Variants in ITSN1 observed in about 807,000 individuals in gnomAD.
ITSN1 encodes the protein intersectin 1, also known as intersectin-1.
ITSN1 carries 58 observed loss-of-function variants against 239.8 expected under a neutral mutation model. The observed-to-expected ratio is 0.24, with a 90% CI of 0.20 to 0.30. The LOEUF is 0.30. ITSN1 is among the 10% of genes least tolerant of loss of function. The pLI is 1.00. For synonymous variants in ITSN1, 780 were observed against 770.8 expected (o/e 1.01, Z -0.20); for missense variants, 1,558 against 2,103.3 (o/e 0.74, Z 5.07).
At chr21:33,799,756 G>A in intron 18 of ITSN1, 52 bp from the exon 19 acceptor site, 2 of 1,597,116 alleles carry the variant, frequency 1.3e-6, no homozygotes, top group East Asian at 4.5e-5. Context: ...TCATACATTT[G>A]TGTTCTCTGT....
intron 1 of ITSN1, among the ~76,000 whole-genome samples, chr21:33,647,483 A>G (rs1300523050): frequency 6.6e-6 from 1 of 151,630 alleles, no homozygotes; most frequent in Non-Finnish European, 1.5e-5. Context: ...TTATGGATCT[A>G]TGGTAGTTTT....
intron 14 of ITSN1, among the ~76,000 whole-genome samples, chr21:33,777,177 AT>A (rs1402998957): frequency 6.6e-6 from 1 of 152,186 alleles, no homozygotes. Context: ...TGAGGTTTAT[AT>A]TTTTACATAC....
chr21:33,830,832 G>A (rs1268074523), intron 27 of ITSN1, among the ~76,000 whole-genome samples: 1 of 150,964 alleles, frequency 6.6e-6, no homozygotes, highest in Non-Finnish European at 1.5e-5. Flanking sequence ...AAGTATTTAG[G>A]GGTAGAGTTA....
rs901778313 is a variant in ITSN1 at position 33,882,982 on chromosome 21, C to T, written c.4554+527C>T. Among the ~76,000 whole-genome samples the T allele has an allele frequency of 3.3e-5, 5 of 152,098 alleles. No individual in the cohort carries two copies. The highest frequency in any genetic ancestry group is 6.6e-5 in the Admixed American group (1 of 15,246). On this transcript the variant is annotated intron_variant, in intron 35 of 39. Transcript: ENST00000381318. The surrounding 1 kb of genome is among the most constrained non-coding windows in gnomAD (Gnocchi z 4.5). ...GCTGTGTTTGTGTGTCTTTGTGTCA[C>T]GGGACGTTGTTTTTCTAAATTTGTC...
At chr21:33,651,412 A>G (rs2088522403) in intron 1 of ITSN1, among the ~76,000 whole-genome samples, 1 of 152,156 alleles carries the variant, frequency 6.6e-6, no homozygotes, top group African/African-American at 2.4e-5. Flanking sequence ...TGACGTTTCT[A>G]CCTAGCCTTC....
intron 34 of ITSN1, among the ~76,000 whole-genome samples, chr21:33,880,757 G>GC (rs1175005160): frequency 6.6e-6 from 1 of 152,006 alleles, no homozygotes; most frequent in East Asian, 1.9e-4. Flanking sequence ...GCTCCGGAGC[G>GC]CCCCCCAGGC....
At chr21:33,721,311 G>A in intron 3 of ITSN1, 41 bp downstream of exon 3, 1 of 1,238,100 alleles carries the variant, frequency 8.1e-7, no homozygotes, top group Non-Finnish European at 1.2e-6. Context: ...CTTATCAGTA[G>A]TGCAGATGTC....
chr21:33,862,288 A>G (rs1217841172), intron 31 of ITSN1, among the ~76,000 whole-genome samples: 1 of 150,738 alleles, frequency 6.6e-6, no homozygotes, highest in Non-Finnish European at 1.5e-5. Context: ...ATGGAAAAAG[A>G]AAAGAAAAAA....
intron 1 of ITSN1, among the ~76,000 whole-genome samples, chr21:33,668,657 C>T (rs1051072833): frequency 1.3e-5 from 2 of 152,160 alleles, no homozygotes; most frequent in African/African-American, 4.8e-5. Flanking sequence ...ACTTTCTTCT[C>T]CACTTGTACT....
chr21:33,789,894 C>T (rs1390786126), intron 16 of ITSN1, among the ~76,000 whole-genome samples: 1 of 152,166 alleles, frequency 6.6e-6, no homozygotes, highest in Non-Finnish European at 1.5e-5. Flanking sequence ...AATACTTTGG[C>T]TCTGTGCCAT....
chr21:33,781,432 T>G (rs1374206031), intron 14 of ITSN1, 29 bp from the exon 15 acceptor site: 3 of 1,243,766 alleles, frequency 2.4e-6, no homozygotes, highest in African/African-American at 1.5e-5. Flanking sequence ...TCCCTGTCAT[T>G]CATTACTATT....
At chr21:33,842,206 C>T (rs2074848124) in intron 29 of ITSN1, among the ~76,000 whole-genome samples, 1 of 152,130 alleles carries the variant, frequency 6.6e-6, no homozygotes. Context: ...CTCTTGGGCA[C>T]TTCTTTACGA....
At chr21:33,830,124 C>T (rs564138394) in intron 27 of ITSN1, among the ~76,000 whole-genome samples, 1 of 152,272 alleles carries the variant, frequency 6.6e-6, no homozygotes, top group South Asian at 2.1e-4. Context: ...CATTCAAAGC[C>T]ACATCCATAC....
intron 25 of ITSN1, among the ~76,000 whole-genome samples, chr21:33,823,984 A>G (rs920868515): frequency 6.6e-6 from 1 of 152,190 alleles, no homozygotes. Context: ...TTAGATCATT[A>G]TGGTCATTGA....
intron 1 of ITSN1, among the ~76,000 whole-genome samples, chr21:33,670,751 A>G (rs1397231090): frequency 6.6e-6 from 1 of 152,240 alleles, no homozygotes; most frequent in African/African-American, 2.4e-5. Context: ...ATAATAGTTC[A>G]GTGTGTCAGT....
At chr21:33,647,394 C>T (rs1194497757) in intron 1 of ITSN1, among the ~76,000 whole-genome samples, 3 of 151,536 alleles carry the variant, frequency 2.0e-5, no homozygotes, top group Non-Finnish European at 4.4e-5. Flanking sequence ...TTTTTTTTTG[C>T]TTAACATCTT....
intron 17 of ITSN1, 127 bp downstream of exon 17, chr21:33,794,595 T>TG (rs2071391372): frequency 7.8e-7 from 1 of 1,276,004 alleles, no homozygotes; most frequent in Non-Finnish European, 1.1e-6. Flanking sequence ...ATGTGAAGTG[T>TG]GAGTGCAAAC....
At chr21:33,697,933 G>C (rs1278824019) in intron 1 of ITSN1, among the ~76,000 whole-genome samples, 1 of 152,154 alleles carries the variant, frequency 6.6e-6, no homozygotes, top group East Asian at 1.9e-4. Flanking sequence ...ATGTTACTTT[G>C]CAGTTAGTTG....
intron 22 of ITSN1, chr21:33,817,584 T>C (rs1463937468): frequency 7.7e-7 from 1 of 1,299,806 alleles, no homozygotes; most frequent in Non-Finnish European, 1.0e-6. Flanking sequence ...ACTTGTGAAT[T>C]ACCTGCTAGT....
Sources: allele counts gnomAD v4.1 joint callset (sites outside exome capture counted in the v4.1 genomes callset), GRCh38; gene constraint gnomAD v4.1.1; non-coding constraint Gnocchi (gnomAD v3.1); transcripts MANE v1.5; gene names NCBI Gene and HGNC (gene_info 2026-07-23, HGNC 2026-07-21).